Variants in TENM4 observed in about 807,000 individuals in gnomAD.
TENM4 encodes the protein teneurin transmembrane protein 4, also known as teneurin-4.
TENM4 carries 82 observed loss-of-function variants against 243.3 expected under a neutral mutation model. The ratio of observed to expected loss-of-function variants is 0.34; its 90% CI spans 0.28 to 0.40. The LOEUF (loss-of-function observed/expected upper bound fraction) is 0.40. TENM4 is among the 10% of genes least tolerant of loss of function. The pLI is 1.00. For missense variants in TENM4, 3,138 were observed against 3,673.3 expected (o/e 0.85, Z 3.77); for synonymous variants, 1,412 against 1,456.3 (o/e 0.97, Z 0.69).
intron 23 of TENM4, 136 bp downstream of exon 23, chr11:78,725,943 A>G (rs1379038872): frequency 7.5e-6 from 9 of 1,201,230 alleles, no homozygotes; most frequent in Non-Finnish European, 9.4e-6. Flanking sequence ...TTCAAGCAAT[A>G]TCTGTTGACT....
intron 3 of TENM4, among the ~76,000 whole-genome samples, chr11:79,206,663 G>A (rs1356548224): frequency 2.6e-5 from 4 of 152,136 alleles, no homozygotes; most frequent in Admixed American, 6.5e-5. Flanking sequence ...GATCTGATGG[G>A]TTTATCAGGG....
chr11:78,998,519 T>G (rs992609203), intron 6 of TENM4, among the ~76,000 whole-genome samples: 4 of 152,058 alleles, frequency 2.6e-5, no homozygotes, highest in African/African-American at 4.8e-5. Context: ...TTCTGGAAAT[T>G]GACAAAAGGC....
rs552199547 is a variant in TENM4 at position 79,206,822 on chromosome 11, C to T, written c.-163+8986G>A. Among the ~76,000 whole-genome samples the T allele has an allele frequency of 1.4e-4, 21 of 152,234 alleles. No individual in the cohort carries two copies. In the East Asian group the frequency reaches 1.7e-3, roughly 13 times the overall value. On this transcript the variant is annotated intron_variant, in intron 3 of 33. Transcript: ENST00000278550. ...CAGTTTCAGGTGTCTTTATCAGCAG[C>T]GTGAAAATGGACTAATACACGCTCC...
chr11:78,824,649 A>C (rs564877835), intron 12 of TENM4, among the ~76,000 whole-genome samples: 1 of 151,640 alleles, frequency 6.6e-6, no homozygotes, highest in East Asian at 2.0e-4. Flanking sequence ...CTACAGGCGC[A>C]CACCACCACG....
chr11:79,422,006 C>T (rs891759191), intron 1 of TENM4, among the ~76,000 whole-genome samples: 2 of 152,050 alleles, frequency 1.3e-5, no homozygotes, highest in African/African-American at 4.8e-5. Flanking sequence ...ACACGTGGCG[C>T]CTGTGAAGTG....
intron 3 of TENM4, among the ~76,000 whole-genome samples, chr11:79,168,655 C>T (rs7482532): frequency 0.32 from 48,808 of 152,004 alleles, 8,093 homozygotes; most frequent in East Asian, 0.43. Context: ...GTAGATTCAC[C>T]GCAAAATGAA....
In TENM4 at chr11:79,069,713, T is replaced by C. The variant is rs1211224744; in HGVS notation, c.223+9A>G. The C allele has an allele frequency of 4.5e-6, 7 of 1,547,980 alleles. No individual in the cohort carries two copies. The highest frequency in any genetic ancestry group is 1.2e-5 in the South Asian group (1 of 84,030). On this transcript the variant is annotated intron_variant, in intron 5 of 33. Transcript: ENST00000278550. ...CGCCTGAGGCCCGCCCCCTCGGCCT[T>C]GTCCTTACCTGTGCGGCAGAATTCC...
intron 3 of TENM4, among the ~76,000 whole-genome samples, chr11:79,164,087 CT>C (rs1565230852): frequency 1.2e-4 from 13 of 106,950 alleles, no homozygotes; most frequent in East Asian, 9.9e-4. Context: ...ACTATATATA[CT>C]ATGTATATAT....
intron 6 of TENM4, among the ~76,000 whole-genome samples, chr11:78,905,321 G>GAT (rs1335175550): frequency 6.6e-6 from 1 of 152,112 alleles, no homozygotes; most frequent in Non-Finnish European, 1.5e-5. Flanking sequence ...TTTAGTGTAA[G>GAT]ATGCATCACT....
chr11:79,317,503 T>C (rs895399093), intron 1 of TENM4, among the ~76,000 whole-genome samples: 1 of 152,302 alleles, frequency 6.6e-6, no homozygotes, highest in Non-Finnish European at 1.5e-5. Flanking sequence ...TGGCTGCCTC[T>C]TACTGGTAGC....
Position 78,903,250 on chromosome 11 carries a change from T to A in TENM4, c.749+18A>T, listed in dbSNP as rs1389605522. The A allele has an allele frequency of 3.4e-6, 5 of 1,486,938 alleles. No homozygotes were observed. In the South Asian group the frequency reaches 6.6e-5, roughly 20 times the overall value. 92.1% of individuals were successfully genotyped at this position (1,486,938 alleles called of 1,614,324 possible). ...GTGCCCACCCTCCTCAGCCTCACCC[T>A]CCCTACCGGCCGCGCACCTGGTCTC... On this transcript the variant is annotated intron_variant, in intron 7 of 33. Coordinates refer to ENST00000278550, the MANE Select transcript of TENM4 (RefSeq NM_001098816.3).
intron 1 of TENM4, among the ~76,000 whole-genome samples, chr11:79,375,918 G>C (rs7947802): frequency 0.13 from 19,181 of 152,158 alleles, 1,251 homozygotes; most frequent in Non-Finnish European, 0.14. Context: ...CAGTGGGAGG[G>C]GAGGAAAGCA....
chr11:78,916,664 C>T (rs1856323909), intron 6 of TENM4, among the ~76,000 whole-genome samples: 1 of 152,184 alleles, frequency 6.6e-6, no homozygotes, highest in African/African-American at 2.4e-5. Context: ...CTTAGTTCAT[C>T]TTCAGAGGAA....
intron 9 of TENM4, among the ~76,000 whole-genome samples, chr11:78,883,160 G>A (rs1316106379): frequency 6.6e-6 from 1 of 152,162 alleles, no homozygotes; most frequent in African/African-American, 2.4e-5. Context: ...GACCAGTAAG[G>A]GACATCTCCT....
In TENM4 at chr11:78,876,718, C is replaced by T. The variant is rs1015498144; in HGVS notation, c.1084+13067G>A. On this transcript the variant is annotated intron_variant, in intron 9 of 33. Transcript: ENST00000278550. The stretch of plus-strand genomic sequence containing the variant: ...AGTATGGATGGCTCAGAGGCAGTGA[C>T]GCTAGCTTATCTGGCTTTGTCTGCT... Among the ~76,000 whole-genome samples, 4 of 152,318 alleles carry T rather than the reference C, an allele frequency of 2.6e-5. No homozygotes were observed. The South Asian group carries it at 6.2e-4, about 24-fold the overall frequency.
chr11:79,295,260 T>G (rs1399190775), intron 2 of TENM4, among the ~76,000 whole-genome samples: 1 of 152,174 alleles, frequency 6.6e-6, no homozygotes, highest in Non-Finnish European at 1.5e-5. Context: ...TCAGGAAAGA[T>G]AATCACTCTG....
chr11:79,161,478 C>G (rs996107250), intron 3 of TENM4, among the ~76,000 whole-genome samples: 1 of 152,174 alleles, frequency 6.6e-6, no homozygotes, highest in Admixed American at 6.5e-5. Flanking sequence ...CAACGAGGGG[C>G]TCCTTACCAG....
At chr11:78,798,658 T>G (rs1348424001) in intron 15 of TENM4, among the ~76,000 whole-genome samples, 2 of 152,126 alleles carry the variant, frequency 1.3e-5, no homozygotes, top group African/African-American at 2.4e-5. Flanking sequence ...CCCCTGCAGC[T>G]TCTATCTCCA....
At chr11:79,385,101 A>G (rs1040675434) in intron 1 of TENM4, among the ~76,000 whole-genome samples, 4 of 152,134 alleles carry the variant, frequency 2.6e-5, no homozygotes, top group Non-Finnish European at 5.9e-5. Context: ...GAGAGAAAGA[A>G]AGGCTAGTTC....
Sources: gnomAD v4.1 joint callset for allele counts (sites outside exome capture counted in the v4.1 genomes callset) on GRCh38, gnomAD v4.1.1 for gene constraint, MANE v1.5 for transcripts, NCBI Gene and HGNC (gene_info 2026-07-23, HGNC 2026-07-21) for gene names.